MYH10: variants seen among roughly 807,000 people sequenced by gnomAD.
MYH10 encodes the protein myosin-10.
MYH10 carries 55 observed loss-of-function variants against 257.8 expected under a neutral mutation model. The ratio of observed to expected loss-of-function variants is 0.21; its 90% confidence interval spans 0.17 to 0.27. The LOEUF is 0.27. MYH10 is among the 10% of genes least tolerant of loss of function. MYH10 has a pLI of 1.00. For synonymous variants in MYH10, 854 were observed against 921.7 expected (o/e 0.93, Z 1.33); for missense variants, 1,631 against 2,500.6 (o/e 0.65, Z 7.42).
chr17:8,629,281 A>C (rs1398175403), intron 1 of MYH10, among the ~76,000 whole-genome samples: 1 of 152,234 alleles, frequency 6.6e-6, no homozygotes, highest in Admixed American at 6.5e-5. Flanking sequence ...TTATTCAGCG[A>C]AAACAGCAGT....
intron 40 of MYH10, among the ~76,000 whole-genome samples, 184 bp from the exon 41 acceptor site, chr17:8,478,630 T>C (rs998778211): frequency 1.3e-5 from 2 of 152,240 alleles, no homozygotes; most frequent in African/African-American, 2.4e-5. Context: ...AGAATTGCCT[T>C]TAATGTATTC....
At chr17:8,486,890 G>A (rs1914906292) in intron 36 of MYH10, among the ~76,000 whole-genome samples, 2 of 152,082 alleles carry the variant, frequency 1.3e-5, no homozygotes, top group African/African-American at 4.8e-5. Context: ...TTTATATTTT[G>A]TTAAATTTTC....
chr17:8,480,233 T>C lies in MYH10; in HGVS notation c.5474A>G (p.Asn1825Ser), dbSNP rs992122413. 2 of 1,614,146 alleles carry C rather than the reference T, an allele frequency of 1.2e-6. No homozygotes were observed. The highest frequency in any genetic ancestry group is 3.3e-5 in the Admixed American group (2 of 60,030). Residue 1825 changes from asparagine to serine, a missense_variant, in exon 40 of 43, where the codon AAC becomes AGC. Asn to Ser is a conservative substitution (Grantham distance 46). Coordinates refer to ENST00000360416, the MANE Select transcript of MYH10 (RefSeq NM_001256012.3). ...DNARQQLERQ[N>S]KELKAKLQEL... ...CTGCAGCTTGGCCTTCAGCTCCTTG[T>C]TCTGCCGCTCCAGTTGCTGGCGTGC...
intron 38 of MYH10, among the ~76,000 whole-genome samples, chr17:8,481,014 C>T (rs898100202): frequency 3.8e-4 from 2 of 5,298 alleles, no homozygotes; most frequent in African/African-American, 6.3e-4. Context: ...GAGGAACCTG[C>T]TTGCCAAAGC....
Position 8,476,861 on chromosome 17 carries a change from C to T in MYH10, c.5879+15G>A, listed in dbSNP as rs760699498. On this transcript the variant is annotated intron_variant, in intron 42 of 42. Transcript: ENST00000360416. ...AAGCAGCTGCCTGTCAGCTCGGGGC[C>T]GCATGCCTGCTCACCTCAGCCGGTT... 7.3e-5 allele frequency: 116 copies of T among 1,598,614 alleles called. 1 individual carries two copies. Among genetic ancestry groups the T allele is most frequent in the South Asian group, 1.2e-4 (11 of 90,814 alleles).
intron 3 of MYH10, 44 bp downstream of exon 3, chr17:8,604,782 T>C (rs2152075622): frequency 7.5e-7 from 1 of 1,333,026 alleles, no homozygotes; most frequent in East Asian, 2.7e-5. Context: ...GTAAATTACA[T>C]TTAAGAAATT....
In MYH10 at chr17:8,477,465, G is replaced by A. The variant is rs1912870339; in HGVS notation, c.5707-417C>T. On this transcript the variant is annotated intron_variant, in intron 41 of 42. Transcript: ENST00000360416. The surrounding 1 kb of genome is among the most constrained non-coding windows in gnomAD (Gnocchi z 4.2). ...ATCTTTACACCTCCTTTCAAGGATG[G>A]GCATCTCAGATACTAGACTTGGATT... Among the ~76,000 whole-genome samples the A allele has an allele frequency of 2.0e-5, 3 of 152,080 alleles. No individual in the cohort carries two copies. The highest frequency in any genetic ancestry group is 2.0e-4 in the Admixed American group (3 of 15,272).
At chr17:8,486,511 A>G (rs1210889150) in intron 36 of MYH10, among the ~76,000 whole-genome samples, 1 of 151,262 alleles carries the variant, frequency 6.6e-6, no homozygotes, top group Non-Finnish European at 1.5e-5. Flanking sequence ...CTCTGGGAAA[A>G]AAAACAAAAA....
chr17:8,524,449 CAAAAAAAAAAAAAAAAAAAAAAAA>C lies in MYH10; in HGVS notation c.1958-3188_1958-3165del, dbSNP rs541255427. ...TGGGCAACAGAGCGAGACTCTGTCT[CAAAAAAAAAAAAAAAAAAAAAAAA>C]AAAAAAAAAAAAAAAAAAAGGATAT... On this transcript the variant is annotated intron_variant, in intron 17 of 42. Transcript: ENST00000360416. Among the ~76,000 whole-genome samples, 23 of 62,158 alleles carry C rather than the reference CAAAAAAAAAAAAAAAAAAAAAAAA, an allele frequency of 3.7e-4. 1 individual carries two copies. Among genetic ancestry groups the C allele is most frequent in the South Asian group, 1.5e-3 (2 of 1,320 alleles). 40.8% of individuals were successfully genotyped at this position (62,158 alleles called of 152,430 possible).
chr17:8,501,364 TC>T (rs1917477734), intron 28 of MYH10, among the ~76,000 whole-genome samples: 1 of 152,104 alleles, frequency 6.6e-6, no homozygotes. Context: ...CAGGGTGACA[TC>T]CCTAGGGGTC....
rs1479039397 is a variant in MYH10, at chr17:8,613,893, C to T, written c.346-8911G>A. Among the ~76,000 whole-genome samples the T allele has an allele frequency of 3.3e-5, 5 of 150,458 alleles. No homozygotes were observed. In the East Asian group the frequency reaches 9.6e-4, roughly 29 times the overall value. On this transcript the variant is annotated intron_variant, in intron 2 of 42. Coordinates refer to ENST00000360416, the MANE Select transcript of MYH10 (RefSeq NM_001256012.3). ...AGCAATTAACCACACAAACACTAAT[C>T]CAAAAAAAAAAGGCTAATGCAAATA...
intron 21 of MYH10, among the ~76,000 whole-genome samples, chr17:8,515,364 C>A (rs574909210): frequency 3.9e-5 from 6 of 152,112 alleles, no homozygotes; most frequent in African/African-American, 1.4e-4. Context: ...GCAAAAATTA[C>A]CTACCTGTCA....
At chr17:8,591,350 G>A (rs1468849219) in intron 3 of MYH10, among the ~76,000 whole-genome samples, 5 of 152,146 alleles carry the variant, frequency 3.3e-5, no homozygotes, top group African/African-American at 1.2e-4. Context: ...CCAGTGCTAG[G>A]TGCCATGTGG....
intron 37 of MYH10, 143 bp downstream of exon 37, chr17:8,483,994 TA>T: frequency 4.4e-6 from 3 of 687,250 alleles, no homozygotes; most frequent in Non-Finnish European, 6.9e-6. Flanking sequence ...AGGACCATAT[TA>T]AAAATGGATA....
chr17:8,580,601 C>T (rs2083668770), intron 4 of MYH10, among the ~76,000 whole-genome samples: 1 of 152,158 alleles, frequency 6.6e-6, no homozygotes, highest in Non-Finnish European at 1.5e-5. Context: ...TTAAAGTTTA[C>T]TCCTAGGCTC....
At chr17:8,580,977 A>G (rs2083683523) in intron 4 of MYH10, among the ~76,000 whole-genome samples, 1 of 152,180 alleles carries the variant, frequency 6.6e-6, no homozygotes, top group Non-Finnish European at 1.5e-5. Flanking sequence ...AGGCTCTTGA[A>G]AGATGAGCAA....
intron 3 of MYH10, among the ~76,000 whole-genome samples, chr17:8,595,039 T>G (rs572810509): frequency 6.6e-6 from 1 of 152,164 alleles, no homozygotes; most frequent in South Asian, 2.1e-4. Context: ...ACATGGTGAG[T>G]GAATAAACCA....
chr17:8,539,616 G>C (rs1009131716), intron 14 of MYH10, among the ~76,000 whole-genome samples: 1 of 151,968 alleles, frequency 6.6e-6, no homozygotes, highest in Non-Finnish European at 1.5e-5. Flanking sequence ...TTGAGATGGG[G>C]TCTCACTCTG....
At chr17:8,546,720 A>G in intron 11 of MYH10, 58 bp from the exon 12 acceptor site, 1 of 1,254,832 alleles carries the variant, frequency 8.0e-7, no homozygotes, top group South Asian at 1.3e-5. Flanking sequence ...TACTCACAAT[A>G]TATTCAATAA....
Sources: gnomAD v4.1 joint callset for allele counts (sites outside exome capture counted in the v4.1 genomes callset) on GRCh38, gnomAD v4.1.1 for gene constraint, Gnocchi (gnomAD v3.1) non-coding constraint, MANE v1.5 for transcripts, NCBI Gene and HGNC (gene_info 2026-07-23, HGNC 2026-07-21) for gene names.